Variants in WTAP observed in about 807,000 individuals in gnomAD.
The protein encoded by WTAP is pre-mRNA-splicing regulator WTAP.
Under a neutral mutation model 50.0 loss-of-function variants are expected in WTAP, and 8 were observed. The ratio of observed to expected loss-of-function variants is 0.16; its 90% CI spans 0.09 to 0.29. The LOEUF (loss-of-function observed/expected upper bound fraction) is 0.29, where lower values mean the gene tolerates loss of function less well. Among genes scored for constraint, WTAP ranks in the 10% least tolerant of loss-of-function variants. WTAP has a pLI of 1.00. For missense variants in WTAP, 295 were observed against 470.7 expected (o/e 0.63, Z 3.45); for synonymous variants, 194 against 169.0 (o/e 1.15, Z -1.15).
intron 1 of WTAP, among the ~76,000 whole-genome samples, chr6:159,730,328 T>C (rs560360155): frequency 4.1e-4 from 63 of 152,362 alleles, no homozygotes; most frequent in African/African-American, 1.5e-3. Context: ...AATGATGTTA[T>C]GGTCATTCTG....
intron 1 of WTAP, among the ~76,000 whole-genome samples, chr6:159,729,568 T>C (rs1778439464): frequency 1.5e-5 from 2 of 135,986 alleles, no homozygotes; most frequent in Non-Finnish European, 3.1e-5. Context: ...GTTCATATTT[T>C]ATTTGAAAAA....
At position 159,727,699 on chromosome 6, in the gene WTAP, G is replaced by C; in HGVS notation, c.-13G>C. ...GTGGCGCCGGCGCGGCTTCTGCCTG[G>C]AGAGGTAGGCGCGGGCCGGCTGGCG... is the stretch of plus-strand genomic sequence containing the variant. On this transcript the variant is annotated 5_prime_UTR_variant, in exon 1 of 8. Transcript: ENST00000621533. 2.0e-6 allele frequency: 2 copies of C among 984,422 alleles called. No homozygotes were observed. The highest frequency in any genetic ancestry group is 2.4e-6 in the Non-Finnish European group (2 of 829,930). The allele number at this position is 984,422 out of a possible 1,614,324, so 61.0% of individuals were successfully genotyped here. A position where few individuals can be genotyped will look rare whatever the true frequency, so the allele number is the denominator to read the frequency against.
At chr6:159,731,234 G>T (rs939233648) in intron 1 of WTAP, among the ~76,000 whole-genome samples, 1 of 152,040 alleles carries the variant, frequency 6.6e-6, no homozygotes, top group Non-Finnish European at 1.5e-5. Flanking sequence ...GGCCCAAGCA[G>T]GAGGATTCCT....
chr6:159,755,748 T>G lies in WTAP; in HGVS notation c.*137T>G, dbSNP rs1339674026. The G allele has an allele frequency of 1.8e-6, 2 of 1,140,178 alleles. No homozygotes were observed. The highest frequency in any genetic ancestry group is 1.7e-5 in the African/African-American group (1 of 60,322). 70.6% of individuals were successfully genotyped at this position (1,140,178 alleles called of 1,614,324 possible). ...GTTTTTTTTTGTTGTTTTTTTTCTT[T>G]GTTTTTTTTTTCTTTTCTTTTTTTT... On this transcript the variant is annotated 3_prime_UTR_variant, in exon 8 of 8. Coordinates refer to ENST00000621533, the MANE Select transcript of WTAP (RefSeq NM_001270531.2).
chr6:159,745,214 C>A (rs762940712), intron 5 of WTAP: 2 of 152,140 alleles, frequency 1.3e-5, no homozygotes, highest in African/African-American at 4.8e-5. Flanking sequence ...GTCTTGAATT[C>A]CATTTCTCTT....
Position 159,755,745 on chromosome 6 carries a change from C to T in WTAP, c.*134C>T, listed in dbSNP as rs370705119. On this transcript the variant is annotated 3_prime_UTR_variant, in exon 8 of 8. Transcript: ENST00000621533. ...TTGGTTTTTTTTTGTTGTTTTTTTT[C>T]TTTGTTTTTTTTTTCTTTTCTTTTT... 3.6e-3 allele frequency: 1,035 copies of T among 286,694 alleles called. No individual in the cohort carries two copies. Among genetic ancestry groups the T allele is most frequent in the African/African-American group, 0.016 (176 of 11,226 alleles). The allele number at this position is 286,694 out of a possible 1,614,324, so 17.8% of individuals were successfully genotyped here. A position where few individuals can be genotyped will look rare whatever the true frequency, so the allele number is the denominator to read the frequency against.
chr6:159,742,711 C>T (rs1189178288), intron 4 of WTAP, among the ~76,000 whole-genome samples: 3 of 152,028 alleles, frequency 2.0e-5, no homozygotes, highest in African/African-American at 7.2e-5. Context: ...GGTTAATACC[C>T]TGAAATTCTA....
intron 3 of WTAP, among the ~76,000 whole-genome samples, chr6:159,739,405 T>G (rs539575803): frequency 8.1e-4 from 123 of 152,356 alleles, no homozygotes; most frequent in Non-Finnish European, 1.5e-3. Flanking sequence ...TAGTGTGACC[T>G]TCACCAGCTC....
chr6:159,749,877 C>T (rs1779758473), intron 6 of WTAP, among the ~76,000 whole-genome samples: 1 of 152,166 alleles, frequency 6.6e-6, no homozygotes, highest in Admixed American at 6.6e-5. Context: ...TTCTATAAGT[C>T]ACCAATTCAA....
intron 7 of WTAP, among the ~76,000 whole-genome samples, chr6:159,753,822 A>G (rs1365154275): frequency 1.3e-5 from 2 of 152,194 alleles, no homozygotes; most frequent in African/African-American, 4.8e-5. Context: ...CTAATTCTTT[A>G]TTGTTCAAAA....
intron 5 of WTAP, among the ~76,000 whole-genome samples, chr6:159,747,441 GC>G (rs1370145198): frequency 6.6e-6 from 1 of 152,086 alleles, no homozygotes; most frequent in Non-Finnish European, 1.5e-5. Context: ...TTACTTTCCA[GC>G]TTTACAATTC....
chr6:159,743,844 T>G, intron 5 of WTAP, 52 bp downstream of exon 5: 1 of 1,528,338 alleles, frequency 6.5e-7, no homozygotes, highest in Non-Finnish European at 8.8e-7. Context: ...TGGTTTTTAG[T>G]CCACATTATT....
At chr6:159,727,377 C>CA (rs749516659), upstream of WTAP, 24 of 536,514 alleles carry the variant, frequency 4.5e-5, 1 homozygote, top group South Asian at 2.3e-4. Context: ...GGGAGGCTGG[C>CA]GGGAGGCGGG....
At position 159,748,241 on chromosome 6, in the gene WTAP, G is replaced by T. The variant is rs1182852986; in HGVS notation, c.324G>T (p.Leu108=). The T allele has an allele frequency of 6.2e-7, 1 of 1,614,020 alleles. No individual in the cohort carries two copies. Among genetic ancestry groups the T allele is most frequent in the African/African-American group, 1.3e-5 (1 of 75,012 alleles). ...KQVQQPSVAQ[L]RSTMVDPAIN... ...TCCAGCAGCCGAGCGTTGCCCAACT[G>T]AGATCAACAATGGTAGACCCAGCGA... The change falls in exon 6 of 8, where the codon CTG becomes CTT. Residue 108 remains leucine (L), a synonymous_variant. Coordinates refer to ENST00000621533, the MANE Select transcript of WTAP (RefSeq NM_001270531.2). This position sits in a 1 kb window ranked among gnomAD's most constrained non-coding sequence, Gnocchi z 5.6.
At position 159,756,138 on chromosome 6, in the gene WTAP, C is replaced by G. The variant is rs978898732; in HGVS notation, c.*527C>G. 16 of 152,944 alleles carry G rather than the reference C, an allele frequency of 1.0e-4. No homozygotes were observed. Among genetic ancestry groups the G allele is most frequent in the African/African-American group, 3.9e-4 (16 of 41,394 alleles). The allele number at this position is 152,944 out of a possible 1,614,324, so 9.5% of individuals were successfully genotyped here. On this transcript the variant is annotated 3_prime_UTR_variant, in exon 8 of 8. Coordinates refer to ENST00000621533, the MANE Select transcript of WTAP (RefSeq NM_001270531.2). ...CCTGTAGTAGTTTCAGTGTTAGATA[C>G]AGTTTTTTCCACCATACATCTGTGC...
chr6:159,727,650 G>A lies in WTAP; in HGVS notation c.-62G>A. 1 of 985,888 alleles carries A rather than the reference G, an allele frequency of 1.0e-6. No homozygotes were observed. The highest frequency in any genetic ancestry group is 1.2e-6 in the Non-Finnish European group (1 of 830,568). 61.1% of individuals were successfully genotyped at this position (985,888 alleles called of 1,614,324 possible). ...GGGGGCCCGGGCGGCAGGGCAAGCA[G>A]CGCGGCCTCGGCCTATGCGACCGGT... On this transcript the variant is annotated 5_prime_UTR_variant, in exon 1 of 8. Coordinates refer to ENST00000621533, the MANE Select transcript of WTAP (RefSeq NM_001270531.2).
intron 2 of WTAP, 87 bp downstream of exon 2, chr6:159,736,382 G>A: frequency 9.5e-7 from 1 of 1,052,182 alleles, no homozygotes; most frequent in South Asian, 1.4e-5. Flanking sequence ...TAGACTTGAA[G>A]GGATTATCGT....
At chr6:159,740,519 AAAAT>A (rs1343977591) in intron 3 of WTAP, among the ~76,000 whole-genome samples, 2 of 152,122 alleles carry the variant, frequency 1.3e-5, no homozygotes, top group South Asian at 2.1e-4. Context: ...CTGTACTTCT[AAAAT>A]AAATCGTTCT....
intron 5 of WTAP, among the ~76,000 whole-genome samples, chr6:159,746,967 A>C (rs921736987): frequency 2.6e-5 from 4 of 152,190 alleles, no homozygotes; most frequent in African/African-American, 9.6e-5. Flanking sequence ...AGTGCACTGT[A>C]AGTCATGGTT....
Sources: gnomAD v4.1 joint callset for allele counts (sites outside exome capture counted in the v4.1 genomes callset) on GRCh38, gnomAD v4.1.1 for gene constraint, Gnocchi (gnomAD v3.1) non-coding constraint, MANE v1.5 for transcripts, NCBI Gene and HGNC (gene_info 2026-07-23, HGNC 2026-07-21) for gene names.